The following ABCB5 variants were observed in gnomAD, a reference collection of about 807,000 sequenced individuals.
ABCB5 encodes ATP binding cassette subfamily B member 5.
A neutral mutation model predicts 144.2 loss-of-function variants in ABCB5; 155 were observed. That is an observed-to-expected ratio of 1.08 (90% CI 0.94 to 1.23). ABCB5 has a LOEUF of 1.23. ABCB5 is among the 50% of genes most tolerant of loss of function. The probability of loss-of-function intolerance (pLI) is 0.00; values close to 1 mark genes in which losing one functional copy is unlikely to be tolerated. For synonymous variants in ABCB5, 610 were observed against 528.6 expected, an observed-to-expected ratio of 1.15 and a Z score of -2.11; for missense variants, 1,830 against 1,520.8, an observed-to-expected ratio of 1.20 and a Z score of -3.38.
At chr7:20,679,977 A>T (rs1050773838) in intron 14 of ABCB5, among the ~76,000 whole-genome samples, 3 of 152,192 alleles carry the variant, frequency 2.0e-5, no homozygotes, top group African/African-American at 7.2e-5. Flanking sequence ...TATAAATAGT[A>T]GGGGGAAAAA....
intron 13 of ABCB5, among the ~76,000 whole-genome samples, chr7:20,656,236 G>A (rs78982843): frequency 0.096 from 14,620 of 152,088 alleles, 913 homozygotes; most frequent in Non-Finnish European, 0.13. Flanking sequence ...AAGTTTCTTA[G>A]ACTGAAAAGC....
intron 1 of ABCB5, among the ~76,000 whole-genome samples, chr7:20,616,311 C>T (rs935726655): frequency 6.6e-6 from 1 of 152,218 alleles, no homozygotes; most frequent in African/African-American, 2.4e-5. Context: ...GCTGGGATTA[C>T]AGGCATGAGC....
At chr7:20,696,575 C>T (rs1235072087) in intron 16 of ABCB5, among the ~76,000 whole-genome samples, 1 of 152,044 alleles carries the variant, frequency 6.6e-6, no homozygotes, top group East Asian at 1.9e-4. Context: ...CAAATATGTG[C>T]ACTTTGTTAT....
intron 13 of ABCB5, among the ~76,000 whole-genome samples, chr7:20,655,285 A>G (rs970325582): frequency 6.6e-6 from 1 of 152,176 alleles, no homozygotes; most frequent in African/African-American, 2.4e-5. Context: ...CAGCCTGGAC[A>G]ACATGGCAAA....
intron 1 of ABCB5, among the ~76,000 whole-genome samples, chr7:20,622,578 T>C (rs780690357): frequency 6.6e-5 from 10 of 152,118 alleles, no homozygotes; most frequent in Non-Finnish European, 1.2e-4. Flanking sequence ...TAGGGTAATA[T>C]GTTATAGGGC....
intron 27 of ABCB5, among the ~76,000 whole-genome samples, chr7:20,754,826 C>T (rs1783035549): frequency 6.6e-6 from 1 of 152,186 alleles, no homozygotes; most frequent in South Asian, 2.1e-4. Flanking sequence ...TATAATTCTA[C>T]TTAGAAATAC....
Position 20,702,923 on chromosome 7 carries a change from A to G in ABCB5, c.2338-1801A>G, listed in dbSNP as rs192772648. ...GATCTCCTGACCTCGTGATCCACCC[A>G]TCTTGGCCTCCCTAAATGTTTTCAT... On this transcript the variant is annotated intron_variant, in intron 19 of 27. Transcript: ENST00000404938. 2.9e-3 allele frequency among the ~76,000 whole-genome samples: 431 copies of G among 146,562 alleles called. 1 individual carries two copies. The highest frequency in any genetic ancestry group is 5.3e-3 in the Non-Finnish European group (355 of 67,222).
Position 20,676,432 on chromosome 7 carries a change from T to A in ABCB5, c.1708-5073T>A, listed in dbSNP as rs542202856. Reference sequence around the variant, plus strand: ...TAATAAGCCTTTAAAAAGGAGGAAGTCCATATGGAACAACATGGATGAATC... The same window carrying A: ...TAATAAGCCTTTAAAAAGGAGGAAGACCATATGGAACAACATGGATGAATC... On this transcript the variant is annotated intron_variant, in intron 14 of 27. Coordinates refer to ENST00000404938, the MANE Select transcript of ABCB5 (RefSeq NM_001163941.2). Among the ~76,000 whole-genome samples, 152 of 152,146 alleles carry A rather than the reference T, an allele frequency of 1.0e-3. 1 individual carries two copies. The highest frequency in any genetic ancestry group is 3.6e-3 in the African/African-American group (148 of 41,524).
At position 20,749,465 on chromosome 7, in the gene ABCB5, C is replaced by G. The variant is rs562074729; in HGVS notation, c.3430-3895C>G. On this transcript the variant is annotated intron_variant, in intron 26 of 27. Transcript: ENST00000404938. ...GTTGCCCAGGCTGGTCTCAAACTCCCGGCTTCAAGTGATCCACCCGCCTCG... is the reference window on the plus strand; with the variant it reads ...GTTGCCCAGGCTGGTCTCAAACTCCGGGCTTCAAGTGATCCACCCGCCTCG... 2.1e-5 allele frequency among the ~76,000 whole-genome samples: 3 copies of G among 143,786 alleles called. No individual in the cohort carries two copies. The South Asian group carries it at 6.8e-4, about 33-fold the overall frequency. The allele number at this position is 143,786 out of a possible 152,430, so 94.3% of individuals were successfully genotyped here.
intron 26 of ABCB5, among the ~76,000 whole-genome samples, chr7:20,750,383 TACACACACAC>T (rs3033674): frequency 5.7e-5 from 8 of 140,990 alleles, no homozygotes; most frequent in African/African-American, 7.9e-5. Context: ...GGCTTCCCCC[TACACACACAC>T]ACACACACAC....
At chr7:20,667,089 T>C in intron 14 of ABCB5, 1 of 558,724 alleles carries the variant, frequency 1.8e-6, no homozygotes, top group South Asian at 8.4e-5. Context: ...ACAGTACATG[T>C]AGGCCCATTT....
At chr7:20,660,393 T>A in intron 14 of ABCB5, 1 of 985,568 alleles carries the variant, frequency 1.0e-6, no homozygotes, top group Non-Finnish European at 1.2e-6. Flanking sequence ...AATGTAGAAA[T>A]AGGTGTGAAA....
At position 20,628,790 on chromosome 7, in the gene ABCB5, G is replaced by C. The variant is rs1314823986; in HGVS notation, c.211G>C (p.Glu71Gln). Residue 71 changes from glutamate (E) to glutamine (Q), a missense_variant, in exon 4 of 28, where the codon GAA (glutamate) becomes CAA (glutamine). Coordinates refer to ENST00000404938, the MANE Select transcript of ABCB5 (RefSeq NM_001163941.2). Reference protein sequence around the residue: ...CLPLMPLVLGEMSDNLISGCL... With the variant: ...CLPLMPLVLGQMSDNLISGCL... The stretch of plus-strand genomic sequence containing the variant: ...TCCTTTAATGCCACTGGTTTTAGGA[G>C]AAATGAGTGATAACCTTATTAGTGG... 2 of 1,613,770 alleles carry C rather than the reference G, an allele frequency of 1.2e-6. No individual in the cohort carries two copies. The highest frequency in any genetic ancestry group is 2.2e-5 in the East Asian group (1 of 44,864).
intron 23 of ABCB5, among the ~76,000 whole-genome samples, chr7:20,737,239 C>G (rs1011755601): frequency 6.6e-6 from 1 of 152,164 alleles, no homozygotes; most frequent in Non-Finnish European, 1.5e-5. Context: ...CACTTCCCCT[C>G]CAGGGTCTTC....
At chr7:20,714,140 G>C (rs908144181) in intron 20 of ABCB5, among the ~76,000 whole-genome samples, 3 of 151,986 alleles carry the variant, frequency 2.0e-5, no homozygotes, top group Non-Finnish European at 4.4e-5. Flanking sequence ...TTAGATGAGA[G>C]GATAAATCCT....
intron 3 of ABCB5, 25 bp downstream of exon 3, chr7:20,626,636 C>G (rs901563978): frequency 6.3e-7 from 1 of 1,581,286 alleles, no homozygotes; most frequent in African/African-American, 1.3e-5. Flanking sequence ...TTAGAAAGTA[C>G]ATGCATTAGA....
chr7:20,687,164 CTG>C (rs2128040454), intron 16 of ABCB5, among the ~76,000 whole-genome samples: 1 of 152,318 alleles, frequency 6.6e-6, no homozygotes, highest in East Asian at 1.9e-4. Context: ...GGAGGAAACA[CTG>C]TGTTAAAACA....
At chr7:20,630,533 T>A (rs1784015368) in intron 4 of ABCB5, among the ~76,000 whole-genome samples, 1 of 152,188 alleles carries the variant, frequency 6.6e-6, no homozygotes, top group Admixed American at 6.6e-5. Flanking sequence ...TATGATTTTT[T>A]AAATATTTTA....
chr7:20,723,244 T>A (rs757403051), intron 21 of ABCB5, 25 bp downstream of exon 21: 1 of 1,608,148 alleles, frequency 6.2e-7, no homozygotes, highest in South Asian at 1.1e-5. Flanking sequence ...GTTATCACCA[T>A]CGTAACATTT....
Sources: allele counts gnomAD v4.1 joint callset (sites outside exome capture counted in the v4.1 genomes callset), GRCh38; gene constraint gnomAD v4.1.1; transcripts MANE v1.5; gene names NCBI Gene and HGNC (gene_info 2026-07-23, HGNC 2026-07-21).